SDK1: variants seen among roughly 807,000 people sequenced by gnomAD.
SDK1 encodes the protein protein sidekick-1.
SDK1 carries 157 observed loss-of-function variants against 245.5 expected under a neutral mutation model. The ratio of observed to expected loss-of-function variants is 0.64; its 90% CI spans 0.56 to 0.73. SDK1 has a LOEUF of 0.73. SDK1 is among the 30% of genes least tolerant of loss of function. SDK1 has a pLI of 0.00. For missense variants in SDK1, 3,583 were observed against 3,002.3 expected, an observed-to-expected ratio of 1.19 and a Z score of -4.52; for synonymous variants, 1,647 against 1,278.5, an observed-to-expected ratio of 1.29 and a Z score of -6.15.
intron 13 of SDK1, 71 bp from the exon 14 acceptor site, chr7:3,987,115 A>C: frequency 6.6e-7 from 1 of 1,507,442 alleles, no homozygotes; most frequent in Non-Finnish European, 9.2e-7. Context: ...GGTCTGCTGT[A>C]AGAGCTCAGG....
chr7:3,742,083 G>A (rs932540321), intron 4 of SDK1, among the ~76,000 whole-genome samples: 22 of 150,242 alleles, frequency 1.5e-4, no homozygotes, highest in African/African-American at 5.4e-4. Context: ...TTTGGGGGGG[G>A]AGCAGTTTAA....
At chr7:3,306,173 G>A (rs1238386799) in intron 1 of SDK1, among the ~76,000 whole-genome samples, 1 of 152,126 alleles carries the variant, frequency 6.6e-6, no homozygotes, top group African/African-American at 2.4e-5. Context: ...CTGACCTCAA[G>A]TTTTAGATAA....
chr7:3,327,457 G>A (rs1779965235), intron 1 of SDK1, among the ~76,000 whole-genome samples: 1 of 152,098 alleles, frequency 6.6e-6, no homozygotes, highest in African/African-American at 2.4e-5. Context: ...TTAAAATGAT[G>A]CTTTTGGGTT....
chr7:3,942,222 C>G (rs900275123), intron 5 of SDK1, among the ~76,000 whole-genome samples: 2 of 152,188 alleles, frequency 1.3e-5, no homozygotes, highest in Non-Finnish European at 2.9e-5. Context: ...TCAGTCTTCT[C>G]TCAGCAAGTG....
intron 1 of SDK1, among the ~76,000 whole-genome samples, chr7:3,461,056 G>A (rs6970840): frequency 0.022 from 3,355 of 152,204 alleles, 136 homozygotes; most frequent in African/African-American, 0.076. Context: ...ACACATTTTC[G>A]TGTTTTTGAG....
intron 5 of SDK1, among the ~76,000 whole-genome samples, chr7:3,925,100 G>A (rs575907035): frequency 9.2e-5 from 14 of 152,076 alleles, no homozygotes; most frequent in South Asian, 4.1e-4. Flanking sequence ...TGTCCTCAGC[G>A]TGTAATAAAA....
chr7:4,092,333 A>G (rs1781859968), intron 22 of SDK1, among the ~76,000 whole-genome samples: 1 of 152,118 alleles, frequency 6.6e-6, no homozygotes, highest in South Asian at 2.1e-4. Context: ...TGGTCCTCCC[A>G]GGACGCCTGG....
At chr7:3,371,884 C>T (rs1406049355) in intron 1 of SDK1, among the ~76,000 whole-genome samples, 1 of 152,164 alleles carries the variant, frequency 6.6e-6, no homozygotes, top group Non-Finnish European at 1.5e-5. Context: ...ACAGAGGTTT[C>T]TACTTAGATC....
At chr7:3,467,605 T>C (rs1459865761) in intron 1 of SDK1, among the ~76,000 whole-genome samples, 2 of 152,106 alleles carry the variant, frequency 1.3e-5, no homozygotes, top group Non-Finnish European at 2.9e-5. Context: ...TAAAGTATGA[T>C]AGAAGTTGGA....
chr7:4,123,750 G>A (rs932620074), intron 25 of SDK1, among the ~76,000 whole-genome samples: 2 of 152,224 alleles, frequency 1.3e-5, no homozygotes, highest in African/African-American at 4.8e-5. Context: ...GGCTCACAGT[G>A]TTTTTATAGT....
intron 1 of SDK1, among the ~76,000 whole-genome samples, chr7:3,543,339 C>G (rs1325119572): frequency 6.6e-6 from 1 of 152,258 alleles, no homozygotes; most frequent in Non-Finnish European, 1.5e-5. Context: ...GACGCGATCA[C>G]TATCTGTTGC....
chr7:3,568,491 A>G (rs574804815), intron 1 of SDK1, among the ~76,000 whole-genome samples: 1 of 152,298 alleles, frequency 6.6e-6, no homozygotes, highest in South Asian at 2.1e-4. Context: ...AATCCCTAAA[A>G]TGATTAACAT....
At chr7:3,339,277 A>G (rs1780283067) in intron 1 of SDK1, among the ~76,000 whole-genome samples, 3 of 152,216 alleles carry the variant, frequency 2.0e-5, no homozygotes, top group Admixed American at 2.0e-4. Context: ...CTCAAGATAC[A>G]TGAAGCAAAA....
At position 3,869,551 on chromosome 7, in the gene SDK1, C is replaced by T. The variant is rs181443781; in HGVS notation, c.847+47968C>T. 4.9e-3 allele frequency among the ~76,000 whole-genome samples: 744 copies of T among 152,312 alleles called. 5 individuals are homozygous for T. Among genetic ancestry groups the T allele is most frequent in the African/African-American group, 0.017 (703 of 41,578 alleles). On this transcript the variant is annotated intron_variant, in intron 5 of 44. Transcript: ENST00000404826. Reference sequence around the variant, plus strand: ...GGGGTCAGCTCCAGGCTTCCTGCAGCGGCCACCCTGTGCCCCCAGCCCGCT... The same window carrying T: ...GGGGTCAGCTCCAGGCTTCCTGCAGTGGCCACCCTGTGCCCCCAGCCCGCT...
chr7:3,436,365 G>C (rs1341152220), intron 1 of SDK1, among the ~76,000 whole-genome samples: 1 of 152,048 alleles, frequency 6.6e-6, no homozygotes, highest in Non-Finnish European at 1.5e-5. Flanking sequence ...ACTTAAGCTT[G>C]TATGGGTTCA....
At chr7:3,881,536 C>G (rs1252328282) in intron 5 of SDK1, among the ~76,000 whole-genome samples, 3 of 152,206 alleles carry the variant, frequency 2.0e-5, no homozygotes, top group African/African-American at 4.8e-5. Context: ...CATGTCTTTG[C>G]TATTGTGACT....
intron 4 of SDK1, among the ~76,000 whole-genome samples, chr7:3,820,077 T>C (rs1779606492): frequency 6.6e-6 from 1 of 152,216 alleles, no homozygotes; most frequent in Non-Finnish European, 1.5e-5. Flanking sequence ...CTAAATGATA[T>C]TTTGGTGCTC....
intron 1 of SDK1, among the ~76,000 whole-genome samples, chr7:3,526,602 G>C (rs1349513829): frequency 6.6e-6 from 1 of 152,018 alleles, no homozygotes; most frequent in Non-Finnish European, 1.5e-5. Flanking sequence ...ACTTTGCTTG[G>C]GAACGCTGGA....
chr7:3,505,021 C>A (rs550142742), intron 1 of SDK1, among the ~76,000 whole-genome samples: 349 of 152,270 alleles, frequency 2.3e-3, no homozygotes, highest in African/African-American at 8.2e-3. Context: ...TGATACAACT[C>A]CTGATGTTTC....
Sources: allele counts gnomAD v4.1 joint callset (sites outside exome capture counted in the v4.1 genomes callset), GRCh38; gene constraint gnomAD v4.1.1; transcripts MANE v1.5; gene names NCBI Gene and HGNC (gene_info 2026-07-23, HGNC 2026-07-21).